The following EXPH5 variants were observed in gnomAD, a reference collection of about 807,000 sequenced individuals.
The protein encoded by EXPH5 is exophilin-5.
In EXPH5, 42 loss-of-function variants were observed where a neutral mutation model predicts 41.1. The ratio of observed to expected loss-of-function variants is 1.02; its 90% CI spans 0.80 to 1.32. EXPH5 has a LOEUF of 1.32. Among genes scored for constraint, EXPH5 ranks in the 40% most tolerant of loss-of-function variants. The pLI is 0.00. For synonymous variants in EXPH5, 798 were observed against 833.5 expected (o/e 0.96, Z 0.73); for missense variants, 2,298 against 2,314.5 (o/e 0.99, Z 0.15).
intron 1 of EXPH5, among the ~76,000 whole-genome samples, chr11:108,571,312 C>G (rs1429446940): frequency 3.3e-5 from 5 of 152,166 alleles, no homozygotes; most frequent in Non-Finnish European, 5.9e-5. Flanking sequence ...ATACCATAAC[C>G]CACAACTAAG....
rs772142292 is a variant in EXPH5 at position 108,512,419 on chromosome 11, G to C, written c.3088C>G (p.Leu1030Val). Residue 1030 changes from leucine to valine, a missense_variant, in exon 6 of 6, where the codon CTC becomes GTC. Leu to Val is a conservative substitution (Grantham distance 32). Transcript: ENST00000265843. ...CTLPRKSSSF[L>V]IHGRQSGSKI... ...CTTCCTGACTGCCTGCCATGTATGA[G>C]AAAACTGCTTGATTTTCTTGGCAAG... 1 of 1,611,856 alleles carries C rather than the reference G, an allele frequency of 6.2e-7. No individual in the cohort carries two copies. The highest frequency in any genetic ancestry group is 1.1e-5 in the South Asian group (1 of 90,338).
chr11:108,575,012 C>A (rs774969172), intron 1 of EXPH5, among the ~76,000 whole-genome samples: 2 of 152,168 alleles, frequency 1.3e-5, no homozygotes, highest in African/African-American at 4.8e-5. Flanking sequence ...GAAAAATGTA[C>A]CCCCGATTTG....
At position 108,593,485 on chromosome 11, in the gene EXPH5, C is replaced by T. The variant is rs752632318; in HGVS notation, c.52G>A (p.Ala18Thr). ...TCCAGCACCTGAAGGATCTTCCTGG[C>T]CTCTTCGTCATTTAAGAAACTGAAA... Reference protein sequence around the residue: ...FDFSFLNDEEARKILQVLERN... With the variant: ...FDFSFLNDEETRKILQVLERN... The change falls in exon 1 of 6, where the codon GCC (alanine) becomes ACC (threonine). Residue 18 changes from alanine to threonine, a missense_variant. By Grantham distance (58) the Ala-to-Thr change is moderately conservative. Coordinates refer to ENST00000265843, the MANE Select transcript of EXPH5 (RefSeq NM_015065.3). 1 of 1,614,110 alleles carries T rather than the reference C, an allele frequency of 6.2e-7. No individual in the cohort carries two copies.
At chr11:108,593,811 G>A (rs929804370), upstream of EXPH5, 25 of 1,460,310 alleles carry the variant, frequency 1.7e-5, no homozygotes, top group Non-Finnish European at 2.1e-5. Context: ...TTCCAAGGGG[G>A]CGGGCCCTCC....
intron 1 of EXPH5, among the ~76,000 whole-genome samples, chr11:108,569,333 T>C (rs1230153531): frequency 6.7e-6 from 1 of 149,798 alleles, no homozygotes; most frequent in East Asian, 1.9e-4. Flanking sequence ...TTTCTATTTA[T>C]TTATTATTAT....
At chr11:108,561,517 G>T (rs560960118) in intron 1 of EXPH5, among the ~76,000 whole-genome samples, 2 of 152,326 alleles carry the variant, frequency 1.3e-5, no homozygotes, top group African/African-American at 4.8e-5. Flanking sequence ...GGTATCCCAT[G>T]AAGTGTTGGG....
In EXPH5 at chr11:108,510,074, A is replaced by G. The variant is rs559370317; in HGVS notation, c.5433T>C (p.His1811=). ...AATGGCGCTCCCTGACTTTTGGAGG[A>G]TGGCTTTTTCGTAGTAGATCGCCAT... is the stretch of plus-strand genomic sequence containing the variant. The part of the protein sequence containing the change: ...NVHGDLLRKS[H]PPKVRERHFS... The change falls in exon 6 of 6, where the codon CAT becomes CAC. Residue 1811 remains histidine (H), a synonymous_variant. Coordinates refer to ENST00000265843, the MANE Select transcript of EXPH5 (RefSeq NM_015065.3). 10 of 1,612,158 alleles carry G rather than the reference A, an allele frequency of 6.2e-6. No homozygotes were observed. The South Asian group carries it at 7.7e-5, about 12-fold the overall frequency.
rs1343596267 is a variant in EXPH5, at chr11:108,510,534, C to G, written c.4973G>C (p.Arg1658Thr). 9 of 1,614,140 alleles carry G rather than the reference C, an allele frequency of 5.6e-6. No homozygotes were observed. The East Asian group carries it at 2.0e-4, about 36-fold the overall frequency. ...PKSAESIGES[R>T]LSENGKHVKK... ...CACATGCTTTCCGTTCTCACTCAAC[C>G]TGCTTTCGCCAATGGACTCTGCAGA... Residue 1658 changes from arginine to threonine, a missense_variant, in exon 6 of 6, where the codon AGG (arginine) becomes ACG (threonine). Transcript: ENST00000265843.
intron 1 of EXPH5, among the ~76,000 whole-genome samples, chr11:108,580,618 C>A (rs1035825173): frequency 3.9e-5 from 6 of 152,100 alleles, no homozygotes; most frequent in African/African-American, 1.2e-4. Flanking sequence ...ATATTTATTG[C>A]GGCACTATTC....
chr11:108,568,383 C>A (rs2094044651), intron 1 of EXPH5, among the ~76,000 whole-genome samples: 1 of 152,006 alleles, frequency 6.6e-6, no homozygotes. Context: ...CAATCGGTTC[C>A]CCCCTCTACT....
Position 108,510,646 on chromosome 11 carries a change from GGAA to G in EXPH5, c.4858_4860del (p.Phe1620del). On this transcript the variant is annotated inframe_deletion, in exon 6 of 6. Coordinates refer to ENST00000265843, the MANE Select transcript of EXPH5 (RefSeq NM_015065.3). ...AAGCCAGATCTGCTTCCACTTTGGG[GGAA>G]GATAGTAGCTACATGTCTTCTGGGG... 3 of 1,614,146 alleles carry G rather than the reference GGAA, an allele frequency of 1.9e-6. No homozygotes were observed. Among genetic ancestry groups the G allele is most frequent in the Non-Finnish European group, 2.5e-6 (3 of 1,180,024 alleles).
At chr11:108,522,073 T>C (rs1678858838) in intron 4 of EXPH5, among the ~76,000 whole-genome samples, 1 of 152,142 alleles carries the variant, frequency 6.6e-6, no homozygotes, top group South Asian at 2.1e-4. Context: ...AGACCTATCC[T>C]ACTCAACGTG....
the EXPH5 span, among the ~76,000 whole-genome samples, chr11:108,606,352 C>T: frequency 6.6e-6 from 1 of 152,270 alleles, no homozygotes; most frequent in African/African-American, 2.4e-5. Flanking sequence ...ACTCTTTCCC[C>T]ACCTTCTGCT....
At chr11:108,582,267 A>T (rs1461962605) in intron 1 of EXPH5, among the ~76,000 whole-genome samples, 1 of 152,100 alleles carries the variant, frequency 6.6e-6, no homozygotes, top group African/African-American at 2.4e-5. Flanking sequence ...GTTCAAGATC[A>T]GCCTGGGCAA....
intron 1 of EXPH5, among the ~76,000 whole-genome samples, chr11:108,584,994 C>T (rs1421711742): frequency 6.6e-6 from 1 of 152,062 alleles, no homozygotes; most frequent in East Asian, 1.9e-4. Context: ...TGTTTGCAAA[C>T]CTGGTGTTCA....
At chr11:108,584,872 C>A (rs1389713753) in intron 1 of EXPH5, among the ~76,000 whole-genome samples, 1 of 152,232 alleles carries the variant, frequency 6.6e-6, no homozygotes, top group Non-Finnish European at 1.5e-5. Flanking sequence ...CTACTAAAAG[C>A]ATGATTCATA....
At chr11:108,602,166 C>T in the EXPH5 span, among the ~76,000 whole-genome samples, 3 of 152,184 alleles carry the variant, frequency 2.0e-5, no homozygotes, top group African/African-American at 7.2e-5. Flanking sequence ...TCCCTTGAAA[C>T]ACTACTGTAT....
At position 108,510,276 on chromosome 11, in the gene EXPH5, T is replaced by C; in HGVS notation, c.5231A>G (p.Glu1744Gly). 1 of 1,614,024 alleles carries C rather than the reference T, an allele frequency of 6.2e-7. No individual in the cohort carries two copies. Among genetic ancestry groups the C allele is most frequent in the Non-Finnish European group, 8.5e-7 (1 of 1,180,000 alleles). Residue 1744 changes from glutamate (E) to glycine (G), a missense_variant, in exon 6 of 6, where the codon GAA becomes GGA. Transcript: ENST00000265843. ...PITFTSLREA[E>G]FSDNQRRLSP... is the part of the protein sequence containing the mutation. ...CAGCCTCCTCTGATTGTCAGAGAATTCTGCTTCCCTGAGGCTGGTGAATGT... is the reference window on the plus strand; with the variant it reads ...CAGCCTCCTCTGATTGTCAGAGAATCCTGCTTCCCTGAGGCTGGTGAATGT...
chr11:108,532,763 T>A (rs2093851910), intron 3 of EXPH5, among the ~76,000 whole-genome samples: 1 of 152,110 alleles, frequency 6.6e-6, no homozygotes, highest in South Asian at 2.1e-4. Context: ...CTATGCACAT[T>A]TTGTTGTTTT....
Sources: allele counts gnomAD v4.1 joint callset (sites outside exome capture counted in the v4.1 genomes callset), GRCh38; gene constraint gnomAD v4.1.1; transcripts MANE v1.5; gene names NCBI Gene and HGNC (gene_info 2026-07-23, HGNC 2026-07-21).